MXRA5: variants seen among roughly 807,000 people sequenced by gnomAD.
The protein encoded by MXRA5 is matrix remodeling associated 5.
Under a neutral mutation model 112.5 loss-of-function variants are expected in MXRA5, and 41 were observed. The ratio of observed to expected loss-of-function variants is 0.36; its 90% CI spans 0.28 to 0.47. The LOEUF is 0.47. MXRA5 is among the 20% of genes least tolerant of loss of function. The pLI is 0.99. For missense variants in MXRA5, 2,150 were observed against 2,251.0 expected, an observed-to-expected ratio of 0.96 and a Z score of 0.91; for synonymous variants, 862 against 900.8, an observed-to-expected ratio of 0.96 and a Z score of 0.77.
chrX:3,344,500 A>C (rs1247709224), intron 1 of MXRA5, among the ~76,000 whole-genome samples: 1 of 111,377 alleles, frequency 9.0e-6, no homozygotes, highest in African/African-American at 3.3e-5. Flanking sequence ...TCGGGGAGGA[A>C]GTTTGGGGGA....
In MXRA5 at chrX:3,310,043, C is replaced by A. The variant is rs755865765; in HGVS notation, c.8160G>T (p.Ser2720=). The A allele has an allele frequency of 2.5e-6, 3 of 1,211,222 alleles. No homozygotes were observed. The Admixed American group carries it at 6.5e-5, about 26-fold the overall frequency. ...TCACAATCACGGGGATGCTGGTGAC[C>A]GAAGGGCCGTACTCCGTCTCCATCC... ...VCRMETEYGP[S]VTSIPVIVIA... The change falls in exon 7 of 7, where the codon TCG becomes TCT. Residue 2720 remains serine (S), a synonymous_variant. Transcript: ENST00000217939.
In MXRA5 at chrX:3,316,267, T is replaced by TC. The variant is rs1921125468; in HGVS notation, c.6578+835_6578+836insG. 4.9e-5 allele frequency among the ~76,000 whole-genome samples: 4 copies of TC among 80,930 alleles called. No individual in the cohort carries two copies. The South Asian group carries it at 2.5e-3, about 50-fold the overall frequency. The allele number at this position is 80,930 out of a possible 115,157, so 70.3% of individuals were successfully genotyped here. On this transcript the variant is annotated intron_variant, in intron 6 of 6. Coordinates refer to ENST00000217939, the MANE Select transcript of MXRA5 (RefSeq NM_015419.4). The stretch of plus-strand genomic sequence containing the variant: ...AGGCGGAGCTTGCAGTGAGCCAAGA[T>TC]AGTGCCACTGCACTCCAGCCTGGGC...
At chrX:3,332,764 C>T (rs182979286) in intron 2 of MXRA5, among the ~76,000 whole-genome samples, 384 of 111,707 alleles carry the variant, frequency 3.4e-3, no homozygotes, top group African/African-American at 0.012. Flanking sequence ...TTTCACTCTT[C>T]TTTTTAGTGC....
intron 6 of MXRA5, 116 bp from the exon 7 acceptor site, chrX:3,311,740 C>T: frequency 1.7e-6 from 1 of 603,465 alleles, no homozygotes; most frequent in South Asian, 2.9e-5. Context: ...GCTCAGGTGG[C>T]TGCTATTGCA....
intron 4 of MXRA5, among the ~76,000 whole-genome samples, chrX:3,329,092 A>G (rs1362229956): frequency 1.0e-5 from 1 of 95,238 alleles, no homozygotes; most frequent in Non-Finnish European, 2.1e-5. Flanking sequence ...GGAGGAGGGA[A>G]TGAAGGAAGG....
chrX:3,322,643 T>G lies in MXRA5; in HGVS notation c.3042A>C (p.Thr1014=). ...TPTIWVNDSS[T]SQLFEDSTIG... is the part of the protein sequence containing the mutation. ...TAGTAGAATCCTCAAATAACTGTGA[T>G]GTACTGGAGTCATTAACCCAGATGG... Residue 1014 remains threonine (T), a synonymous_variant, in exon 5 of 7, where the codon ACA becomes ACC. Coordinates refer to ENST00000217939, the MANE Select transcript of MXRA5 (RefSeq NM_015419.4). 1 of 1,211,587 alleles carries G rather than the reference T, an allele frequency of 8.3e-7. No homozygotes were observed. The highest frequency in any genetic ancestry group is 1.1e-6 in the Non-Finnish European group (1 of 895,332).
chrX:3,310,504 C>A lies in MXRA5; in HGVS notation c.7699G>T (p.Ala2567Ser), dbSNP rs374578747. Reference protein sequence around the residue: ...GHTISLNCSAAGTPTPSLVWV... With the variant: ...GHTISLNCSASGTPTPSLVWV... ...ACCAGGCTGGGTGTCGGGGTCCCCG[C>A]GGCAGAGCAGTTGAGGCTGATGGTG... is the stretch of plus-strand genomic sequence containing the variant. The change falls in exon 7 of 7, where the codon GCG (alanine) becomes TCG (serine). Residue 2567 changes from alanine to serine, a missense_variant. Transcript: ENST00000217939. 5 of 1,202,240 alleles carry A rather than the reference C, an allele frequency of 4.2e-6. No homozygotes were observed. Among genetic ancestry groups the A allele is most frequent in the Admixed American group, 4.5e-5 (2 of 44,887 alleles).
At chrX:3,328,219 A>G (rs763393456) in intron 4 of MXRA5, among the ~76,000 whole-genome samples, 1 of 112,473 alleles carries the variant, frequency 8.9e-6, no homozygotes, top group East Asian at 2.8e-4. Flanking sequence ...ATGAAGCTCT[A>G]AAAGCTAAGA....
Position 3,321,476 on chromosome X carries a change from A to G in MXRA5, c.4209T>C (p.Asn1403=). Residue 1403 remains asparagine, a synonymous_variant, in exon 5 of 7, where the codon AAT becomes AAC. Transcript: ENST00000217939. ...TGIPVTTSGE[N]LTDPPLLKEL... is the part of the protein sequence containing the mutation. ...CTTTAAGAAGGGGAGGGTCTGTAAG[A>G]TTTTCCCCAGAAGTGGTAACAGGTA... 1 of 1,210,904 alleles carries G rather than the reference A, an allele frequency of 8.3e-7. No individual in the cohort carries two copies. The highest frequency in any genetic ancestry group is 1.8e-5 in the South Asian group (1 of 56,861).
Position 3,330,033 on chromosome X carries a change from C to T in MXRA5, c.694G>A (p.Asp232Asn). 8.3e-7 allele frequency: 1 copy of T among 1,210,093 alleles called. No homozygotes were observed. Among genetic ancestry groups the T allele is most frequent in the Non-Finnish European group, 1.1e-6 (1 of 894,955 alleles). ...DCEMRWFLEWDAKSRGILKCK... is the reference protein window; with the variant it reads ...DCEMRWFLEWNAKSRGILKCK... ...CTCTTCTTACCTCTGGATTTTGCAT[C>T]CCATTCCAAAAACCATCTCATCTCA... is the stretch of plus-strand genomic sequence containing the variant. The change falls in exon 4 of 7, where the codon GAT becomes AAT. Residue 232 changes from aspartate (D) to asparagine (N), a missense_variant. Physicochemically the swap from Asp to Asn is conservative, Grantham distance 23. Around this residue, in one of 6 missense-constraint regions of MXRA5, gnomAD observed 386 missense variants for 411.0 expected, o/e 0.94. Coordinates refer to ENST00000217939, the MANE Select transcript of MXRA5 (RefSeq NM_015419.4).
intron 2 of MXRA5, among the ~76,000 whole-genome samples, chrX:3,331,922 G>A (rs186097411): frequency 4.6e-4 from 52 of 112,107 alleles, no homozygotes; most frequent in African/African-American, 1.7e-3. Flanking sequence ...AACACATCTA[G>A]CCTGATATCA....
intron 2 of MXRA5, among the ~76,000 whole-genome samples, chrX:3,338,330 CATAGATAGATGATAG>C (rs1322750974): frequency 9.0e-6 from 1 of 110,810 alleles, no homozygotes; most frequent in Non-Finnish European, 1.9e-5. Flanking sequence ...TAACTATTGT[CATAGATAGATGATAG>C]ATAGATAGAT....
In MXRA5 at chrX:3,317,411, G is replaced by A; in HGVS notation, c.6270C>T (p.Arg2090=). The A allele has an allele frequency of 8.3e-7, 1 of 1,204,198 alleles. No homozygotes were observed. The highest frequency in any genetic ancestry group is 1.1e-6 in the Non-Finnish European group (1 of 892,145). The change falls in exon 6 of 7, where the codon CGC becomes CGT. Residue 2090 remains arginine, a synonymous_variant. Transcript: ENST00000217939. ...AGTTCCCGTGGAGGAACTGCGAGGG[G>A]CGGATCTGGGTACCGTCCCCGAGCA... ...RWVLGDGTQI[R]PSQFLHGNLF...
chrX:3,335,424 T>C (rs1456898632), intron 2 of MXRA5, among the ~76,000 whole-genome samples: 1 of 112,311 alleles, frequency 8.9e-6, no homozygotes, highest in Admixed American at 9.4e-5. Context: ...CTCAAACTCC[T>C]GACCTCAGGT....
At position 3,346,528 on chromosome X, in the gene MXRA5, G is replaced by C; in HGVS notation, c.-42C>G. 1 of 754,769 alleles carries C rather than the reference G, an allele frequency of 1.3e-6. No homozygotes were observed. The highest frequency in any genetic ancestry group is 1.6e-6 in the Non-Finnish European group (1 of 639,374). The allele number at this position is 754,769 out of a possible 1,213,427, so 62.2% of individuals were successfully genotyped here. A position where few individuals can be genotyped will look rare whatever the true frequency, so the allele number is the denominator to read the frequency against. On this transcript the variant is annotated 5_prime_UTR_variant, in exon 1 of 7. Transcript: ENST00000217939. Reference sequence around the variant, plus strand: ...CTGGGTCCTCACCTGTCCTTGGGAAGCCGCCGCACACGGGAGCGGTGCGCC... The same window carrying C: ...CTGGGTCCTCACCTGTCCTTGGGAACCCGCCGCACACGGGAGCGGTGCGCC...
In MXRA5 at chrX:3,311,124, T is replaced by C. The variant is rs1920985046; in HGVS notation, c.7079A>G (p.Tyr2360Cys). The change falls in exon 7 of 7, where the codon TAT becomes TGT. Residue 2360 changes from tyrosine (Y) to cysteine (C), a missense_variant. Physicochemically the swap from Tyr to Cys is radical, Grantham distance 194. Transcript: ENST00000217939. Reference protein sequence around the residue: ...NKTYLAVQVPYGDVVTVACEA... With the variant: ...NKTYLAVQVPCGDVVTVACEA... ...ACAGGCTACAGTGACCACGTCTCCA[T>C]AGGGCACCTGAACCGCCAAGTAAGT... 1 of 1,211,614 alleles carries C rather than the reference T, an allele frequency of 8.3e-7. No individual in the cohort carries two copies. Among genetic ancestry groups the C allele is most frequent in the Non-Finnish European group, 1.1e-6 (1 of 895,461 alleles).
At chrX:3,327,485 A>C (rs1247679847) in intron 4 of MXRA5, among the ~76,000 whole-genome samples, 2 of 112,313 alleles carry the variant, frequency 1.8e-5, no homozygotes, top group Non-Finnish European at 3.8e-5. Flanking sequence ...ACAGGTCCAC[A>C]TGTCTCTTGC....
In MXRA5 at chrX:3,323,156, T is replaced by C. The variant is rs747121850; in HGVS notation, c.2529A>G (p.Ala843=). 1.4e-5 allele frequency: 17 copies of C among 1,209,657 alleles called. No individual in the cohort carries two copies. The highest frequency in any genetic ancestry group is 8.8e-5 in the African/African-American group (5 of 57,030). The change falls in exon 5 of 7, where the codon GCA becomes GCG. Residue 843 remains alanine (A), a synonymous_variant. Coordinates refer to ENST00000217939, the MANE Select transcript of MXRA5 (RefSeq NM_015419.4). ...QTVTSAEESS[A]DVPLLGEEEH... ...CTTCTTCACCAAGTAGAGGTACATC[T>C]GCTGAGGATTCTTCAGCACTGGTTA...
At chrX:3,338,012 A>G (rs1489010530) in intron 2 of MXRA5, among the ~76,000 whole-genome samples, 1 of 111,505 alleles carries the variant, frequency 9.0e-6, no homozygotes, top group Non-Finnish European at 1.9e-5. Flanking sequence ...TAAGGGGAGA[A>G]TAGGGCTCAA....
Sources: gnomAD v4.1 joint callset for allele counts (sites outside exome capture counted in the v4.1 genomes callset) on GRCh38, gnomAD v4.1.1 for gene constraint, gnomAD v4.1.1 regional missense constraint, MANE v1.5 for transcripts, NCBI Gene and HGNC (gene_info 2026-07-23, HGNC 2026-07-21) for gene names.